Variants in GRM8 observed in about 807,000 individuals in gnomAD.
GRM8 encodes glutamate metabotropic receptor 8, also known as metabotropic glutamate receptor 8.
In GRM8, 47 loss-of-function variants were observed where a neutral mutation model predicts 87.2. That is an observed-to-expected ratio of 0.54 (90% CI 0.43 to 0.69). GRM8 has a LOEUF of 0.69. Ranked by LOEUF, GRM8 falls within the 30% of genes least tolerant of loss-of-function variation. GRM8 has a pLI of 0.00. For synonymous variants in GRM8, 396 were observed against 404.5 expected (o/e 0.98, Z 0.25); for missense variants, 1,019 against 1,139.2 (o/e 0.89, Z 1.52).
intron 8 of GRM8, among the ~76,000 whole-genome samples, chr7:126,581,956 A>C (rs1251949715): frequency 1.3e-5 from 2 of 152,116 alleles, no homozygotes; most frequent in African/African-American, 2.4e-5. Flanking sequence ...TTGGGCCTTG[A>C]TATTCCCTAA....
intron 8 of GRM8, among the ~76,000 whole-genome samples, chr7:126,582,689 G>T (rs1305209721): frequency 6.6e-6 from 1 of 152,046 alleles, no homozygotes; most frequent in African/African-American, 2.4e-5. Flanking sequence ...ACTTTAAATC[G>T]AATCCAATGC....
At chr7:126,774,584 A>G (rs1026322478) in intron 6 of GRM8, among the ~76,000 whole-genome samples, 1 of 152,160 alleles carries the variant, frequency 6.6e-6, no homozygotes, top group Admixed American at 6.6e-5. Context: ...CATCTTCATT[A>G]ATGAAATCTA....
intron 3 of GRM8, chr7:127,095,715 C>T (rs548807254): frequency 5.9e-5 from 9 of 152,296 alleles, no homozygotes; most frequent in African/African-American, 1.9e-4. Context: ...CATGCCAGGT[C>T]TTTTCATTAC....
At chr7:127,158,817 G>A (rs1209715538) in intron 2 of GRM8, among the ~76,000 whole-genome samples, 1 of 150,424 alleles carries the variant, frequency 6.6e-6, no homozygotes, top group Non-Finnish European at 1.5e-5. Context: ...AAAAAAAAAA[G>A]GCTGAATATG....
intron 9 of GRM8, among the ~76,000 whole-genome samples, chr7:126,523,994 A>G (rs1410771565): frequency 6.6e-6 from 1 of 152,164 alleles, no homozygotes; most frequent in Non-Finnish European, 1.5e-5. Context: ...AGCAATTACT[A>G]TATTATGGCT....
At chr7:126,643,097 C>A (rs1317546319) in intron 7 of GRM8, among the ~76,000 whole-genome samples, 4 of 151,058 alleles carry the variant, frequency 2.6e-5, no homozygotes, top group African/African-American at 7.3e-5. Flanking sequence ...TTGAGACCAG[C>A]CTGGGCAACA....
intron 3 of GRM8, among the ~76,000 whole-genome samples, chr7:126,981,550 G>A (rs1033607265): frequency 3.3e-5 from 5 of 152,032 alleles, no homozygotes; most frequent in Non-Finnish European, 7.4e-5. Flanking sequence ...TTCTTATAAT[G>A]CCACCAGTTA....
chr7:126,917,426 T>G (rs1196644542), intron 3 of GRM8, among the ~76,000 whole-genome samples: 5 of 152,028 alleles, frequency 3.3e-5, no homozygotes, highest in Admixed American at 2.0e-4. Flanking sequence ...CACACGATTC[T>G]ATTACCTTTT....
At chr7:126,955,608 T>C (rs779708940) in intron 3 of GRM8, among the ~76,000 whole-genome samples, 3 of 152,186 alleles carry the variant, frequency 2.0e-5, no homozygotes, top group Non-Finnish European at 4.4e-5. Flanking sequence ...GGGTGTTCCA[T>C]AGGCTCAAAT....
intron 2 of GRM8, among the ~76,000 whole-genome samples, chr7:127,147,947 T>G (rs111585260): frequency 1.3e-4 from 20 of 152,082 alleles, no homozygotes; most frequent in African/African-American, 4.3e-4. Context: ...CGAACTCAAC[T>G]CTTCAACACA....
At chr7:127,036,711 G>A (rs1413052712) in intron 3 of GRM8, among the ~76,000 whole-genome samples, 1 of 152,144 alleles carries the variant, frequency 6.6e-6, no homozygotes, top group Non-Finnish European at 1.5e-5. Flanking sequence ...TAAGGACACT[G>A]CTTGTTACGC....
At chr7:127,168,310 C>T (rs1295860029) in intron 2 of GRM8, among the ~76,000 whole-genome samples, 2 of 152,080 alleles carry the variant, frequency 1.3e-5, no homozygotes, top group Admixed American at 6.6e-5. Context: ...AATGAGATAC[C>T]ATCTCACGCT....
intron 2 of GRM8, among the ~76,000 whole-genome samples, chr7:127,183,567 G>C (rs1460122759): frequency 1.3e-5 from 2 of 151,484 alleles, no homozygotes; most frequent in African/African-American, 4.8e-5. Context: ...GGCACTAAAT[G>C]CATATGTTAG....
chr7:126,745,478 G>T (rs1815551631), intron 7 of GRM8, among the ~76,000 whole-genome samples: 1 of 150,098 alleles, frequency 6.7e-6, no homozygotes, highest in Non-Finnish European at 1.5e-5. Flanking sequence ...ATGTCCAACT[G>T]CTTCCTAAAT....
chr7:127,006,334 A>G (rs1814299930), intron 3 of GRM8, among the ~76,000 whole-genome samples: 1 of 151,874 alleles, frequency 6.6e-6, no homozygotes, highest in South Asian at 2.1e-4. Flanking sequence ...GATCATTTCC[A>G]TTTGCATGTA....
rs571750821 is a variant in GRM8 at position 126,719,335 on chromosome 7, G to T, written c.1357+50530C>A. On this transcript the variant is annotated intron_variant, in intron 7 of 10. Coordinates refer to ENST00000339582, the MANE Select transcript of GRM8 (RefSeq NM_000845.3). Reference sequence around the variant, plus strand: ...AGTAGTTGTTATTAACACAAACATAGATTTCACTTTCTAAACTACATTAAG... The same window carrying T: ...AGTAGTTGTTATTAACACAAACATATATTTCACTTTCTAAACTACATTAAG... Among the ~76,000 whole-genome samples the T allele has an allele frequency of 8.5e-4, 129 of 152,232 alleles. 1 individual carries two copies. The highest frequency in any genetic ancestry group is 2.9e-3 in the African/African-American group (122 of 41,534).
Position 127,165,122 on chromosome 7 carries a change from G to T in GRM8, c.511-58410C>A, listed in dbSNP as rs1793355808. Among the ~76,000 whole-genome samples the T allele has an allele frequency of 2.5e-5, 3 of 119,238 alleles. No individual in the cohort carries two copies. The South Asian group carries it at 8.4e-4, about 33-fold the overall frequency. The allele number at this position is 119,238 out of a possible 152,430, so 78.2% of individuals were successfully genotyped here. A position where few individuals can be genotyped will look rare whatever the true frequency, so the allele number is the denominator to read the frequency against. On this transcript the variant is annotated intron_variant, in intron 2 of 10. Transcript: ENST00000339582. ...AGCTTCCTTTCTAGCAGGAGAGGCA[G>T]ATAATAAACATGTAAACAGATATAT...
intron 9 of GRM8, among the ~76,000 whole-genome samples, chr7:126,464,056 G>T (rs1804210844): frequency 6.6e-6 from 1 of 151,542 alleles, no homozygotes; most frequent in Non-Finnish European, 1.5e-5. Context: ...GAGCATTTGA[G>T]TATCTTCTTC....
At chr7:126,726,089 G>T (rs1812937802) in intron 7 of GRM8, among the ~76,000 whole-genome samples, 1 of 152,138 alleles carries the variant, frequency 6.6e-6, no homozygotes. Context: ...TTAAATGGAA[G>T]TAATAATATT....
Sources: allele counts gnomAD v4.1 joint callset (sites outside exome capture counted in the v4.1 genomes callset), GRCh38; gene constraint gnomAD v4.1.1; transcripts MANE v1.5; gene names NCBI Gene and HGNC (gene_info 2026-07-23, HGNC 2026-07-21).